The following LYSMD1 variants were observed in gnomAD, a reference collection of about 807,000 sequenced individuals.
LYSMD1 encodes the protein LysM domain containing 1, also known as lysM and putative peptidoglycan-binding domain-containing protein 1.
A neutral mutation model predicts 19.3 loss-of-function variants in LYSMD1; 9 were observed. The ratio of observed to expected loss-of-function variants is 0.47; its 90% CI spans 0.28 to 0.81. The LOEUF (loss-of-function observed/expected upper bound fraction) is 0.81. LYSMD1 is among the 40% of genes least tolerant of loss of function. The probability of loss-of-function intolerance (pLI) is 0.11; values close to 1 mark genes in which losing one functional copy is unlikely to be tolerated. For synonymous variants in LYSMD1, 111 were observed against 111.7 expected (o/e 0.99, Z 0.04); for missense variants, 262 against 279.8 (o/e 0.94, Z 0.45).
chr1:151,152,322 G>A, the LYSMD1 span, among the ~76,000 whole-genome samples: 8 of 147,874 alleles, frequency 5.4e-5, no homozygotes, highest in Middle Eastern at 3.9e-3. Context: ...GCTTGAACCT[G>A]GGAGGCAGAG....
Position 151,160,904 on chromosome 1 carries a change from T to G in LYSMD1, c.662A>C (p.Glu221Ala). The G allele has an allele frequency of 6.2e-7, 1 of 1,614,062 alleles. No individual in the cohort carries two copies. The highest frequency in any genetic ancestry group is 8.5e-7 in the Non-Finnish European group (1 of 1,179,924). The change falls in exon 3 of 3, where the codon GAG (glutamate) becomes GCG (alanine). Residue 221 changes from glutamate (E) to alanine (A), a missense_variant. Physicochemically the swap from Glu to Ala is moderately radical, Grantham distance 107. Transcript: ENST00000368908. ...TSRTRTLRDQ[E>A]DEIFKL is the part of the protein sequence containing the mutation. Reference sequence around the variant, plus strand: ...ACATCAGAGTTTGAAGATTTCATCCTCCTGGTCCCGTAGTGTCCGGGTCCG... The same window carrying G: ...ACATCAGAGTTTGAAGATTTCATCCGCCTGGTCCCGTAGTGTCCGGGTCCG...
chr1:151,165,608 T>C lies in LYSMD1; in HGVS notation c.-350A>G, dbSNP rs1572072984. 6.6e-6 allele frequency: 10 copies of C among 1,522,592 alleles called. No homozygotes were observed. The East Asian group carries it at 1.7e-4, about 26-fold the overall frequency. The allele number at this position is 1,522,592 out of a possible 1,614,324, so 94.3% of individuals were successfully genotyped here. On this transcript the variant is annotated 5_prime_UTR_variant, in exon 1 of 3. Transcript: ENST00000368908. ...TTCCTCAGTTTGCCCCCAAGTAGCC[T>C]GGCCTCAGGGCGCTCCAACATCCCA...
downstream of LYSMD1, chr1:151,158,681 C>A (rs1480767263): frequency 6.4e-7 from 1 of 1,557,602 alleles, no homozygotes; most frequent in African/African-American, 1.4e-5. Context: ...GACCACATAC[C>A]CCACTCTCCA....
chr1:151,159,051 C>A, downstream of LYSMD1: 1 of 1,614,178 alleles, frequency 6.2e-7, no homozygotes, highest in Non-Finnish European at 8.5e-7. Flanking sequence ...TTCTGGCTGG[C>A]CTGCTGACCG....
the LYSMD1 span, among the ~76,000 whole-genome samples, chr1:151,152,321 T>C: frequency 4.2e-5 from 6 of 142,650 alleles, no homozygotes; most frequent in Middle Eastern, 4.4e-3. Flanking sequence ...AGCTTGAACC[T>C]GGGAGGCAGA....
At chr1:151,153,615 G>A in the LYSMD1 span, among the ~76,000 whole-genome samples, 139 of 148,074 alleles carry the variant, frequency 9.4e-4, 2 homozygotes, top group East Asian at 0.022. Context: ...AGATCACGCC[G>A]CTGCACTCCA....
the LYSMD1 span, among the ~76,000 whole-genome samples, chr1:151,152,038 G>T: frequency 6.7e-6 from 1 of 150,100 alleles, no homozygotes; most frequent in Non-Finnish European, 1.5e-5. Flanking sequence ...ATGCATCAAA[G>T]ATTAAAAACA....
the LYSMD1 span, among the ~76,000 whole-genome samples, chr1:151,153,940 G>A: frequency 6.6e-6 from 1 of 150,656 alleles, no homozygotes; most frequent in African/African-American, 2.4e-5. Flanking sequence ...GCGACAGAGT[G>A]AGACTCTGTC....
At chr1:151,162,817 G>C (rs914970824) in intron 1 of LYSMD1, among the ~76,000 whole-genome samples, 4 of 152,114 alleles carry the variant, frequency 2.6e-5, no homozygotes, top group African/African-American at 9.7e-5. Flanking sequence ...TACTGCCAAA[G>C]ATTTAAAATA....
rs775726153 is a variant in LYSMD1, at chr1:151,161,934, A to C, written c.347T>G (p.Val116Gly). ...EEKVHPSNSE[V>G]WPHSTERKKQ... ...CTTCCTCTCAGTTGAGTGTGGCCAA[A>C]CTTCACTGTTACTTGGGTGTACTTT... Residue 116 changes from valine (V) to glycine (G), a missense_variant, in exon 2 of 3, where the codon GTT (valine) becomes GGT (glycine). Physicochemically the swap from Val to Gly is moderately radical, Grantham distance 109. Coordinates refer to ENST00000368908, the MANE Select transcript of LYSMD1 (RefSeq NM_212551.5). 13 of 1,613,882 alleles carry C rather than the reference A, an allele frequency of 8.1e-6. No homozygotes were observed. In the African/African-American group the frequency reaches 1.6e-4, roughly 20 times the overall value.
downstream of LYSMD1, chr1:151,156,838 G>A (rs942685416): frequency 6.6e-6 from 1 of 152,216 alleles, no homozygotes; most frequent in African/African-American, 2.4e-5. Flanking sequence ...TACAATTCTT[G>A]GGTCCTTTGT....
chr1:151,162,174 C>T (rs905225449), intron 1 of LYSMD1, 74 bp from the exon 2 acceptor site: 17 of 1,394,464 alleles, frequency 1.2e-5, no homozygotes, highest in Non-Finnish European at 1.7e-5. Flanking sequence ...TTTAAAGTGA[C>T]TGTACAGAGT....
In LYSMD1 at chr1:151,162,602, T is replaced by C. The variant is rs587681071; in HGVS notation, c.181-502A>G. Among the ~76,000 whole-genome samples the C allele has an allele frequency of 2.2e-4, 33 of 152,344 alleles. No individual in the cohort carries two copies. The South Asian group carries it at 4.8e-3, about 22-fold the overall frequency. On this transcript the variant is annotated intron_variant, in intron 1 of 2. Transcript: ENST00000368908. The stretch of plus-strand genomic sequence containing the variant: ...GCTTCTGAGAATGCTTTTCACACTA[T>C]ACTATTAACAATGTCATTAATAAAT...
At chr1:151,159,224 G>T, downstream of LYSMD1, 1 of 1,613,480 alleles carries the variant, frequency 6.2e-7, no homozygotes, top group Non-Finnish European at 8.5e-7. Flanking sequence ...GACGGACTCA[G>T]GAAGCTGCTA....
rs182783410 is a variant in LYSMD1, at chr1:151,160,934, G to T, written c.632C>A (p.Thr211Asn). The T allele has an allele frequency of 5.6e-6, 9 of 1,614,222 alleles. No homozygotes were observed. In the African/African-American group the frequency reaches 8.0e-5, roughly 14 times the overall value. ...GTCCCGTAGTGTCCGGGTCCGAGAGGTACGGGTCAGCGGCACAGGACCTAG... is the reference window on the plus strand; with the variant it reads ...GTCCCGTAGTGTCCGGGTCCGAGAGTTACGGGTCAGCGGCACAGGACCTAG... Reference protein sequence around the residue: ...AVLGPVPLTRTSRTRTLRDQE... With the variant: ...AVLGPVPLTRNSRTRTLRDQE... The change falls in exon 3 of 3, where the codon ACC becomes AAC. Residue 211 changes from threonine to asparagine, a missense_variant. Transcript: ENST00000368908.
chr1:151,165,130 C>G lies in LYSMD1; in HGVS notation c.129G>C (p.Gln43His), dbSNP rs149156485. Residue 43 changes from glutamine (Q) to histidine (H), a missense_variant, in exon 1 of 3, where the codon CAG becomes CAC. Coordinates refer to ENST00000368908, the MANE Select transcript of LYSMD1 (RefSeq NM_212551.5). The stretch of plus-strand genomic sequence containing the variant: ...CAGCCAGGGTGTCTCCGGGCTCCAA[C>G]TGATGCTCCAGGCGTCTTTCCCTCA... ...SPVRERRLEH[Q>H]LEPGDTLAGL... 3 of 1,614,106 alleles carry G rather than the reference C, an allele frequency of 1.9e-6. No individual in the cohort carries two copies. Among genetic ancestry groups the G allele is most frequent in the African/African-American group, 2.7e-5 (2 of 74,946 alleles).
At chr1:151,150,216 G>C in the LYSMD1 span, among the ~76,000 whole-genome samples, 2 of 151,986 alleles carry the variant, frequency 1.3e-5, no homozygotes, top group Admixed American at 1.3e-4. Context: ...TCGGCCTCTC[G>C]AACTGCTGGG....
the LYSMD1 span, among the ~76,000 whole-genome samples, chr1:151,154,257 A>G: frequency 6.6e-6 from 1 of 152,174 alleles, no homozygotes; most frequent in Non-Finnish European, 1.5e-5. Context: ...AGATGGGCAG[A>G]TAGCCTGAGG....
intron 1 of LYSMD1, among the ~76,000 whole-genome samples, chr1:151,164,826 A>C (rs1034845350): frequency 2.0e-5 from 3 of 152,188 alleles, no homozygotes; most frequent in African/African-American, 7.2e-5. Flanking sequence ...TACAGATGTG[A>C]GGGTGAAATG....
Sources: gnomAD v4.1 joint callset for allele counts (sites outside exome capture counted in the v4.1 genomes callset) on GRCh38, gnomAD v4.1.1 for gene constraint, MANE v1.5 for transcripts, NCBI Gene and HGNC (gene_info 2026-07-23, HGNC 2026-07-21) for gene names.